The following PRKCB variants were observed in gnomAD, a reference collection of about 807,000 sequenced individuals.
PRKCB encodes protein kinase C beta type.
A neutral mutation model predicts 81.5 loss-of-function variants in PRKCB; 13 were observed. That is an observed-to-expected ratio of 0.16 (90% confidence interval 0.10 to 0.25). The LOEUF (loss-of-function observed/expected upper bound fraction) is 0.25. Ranked by LOEUF, PRKCB falls within the 10% of genes least tolerant of loss-of-function variation. The pLI is 1.00. For missense variants in PRKCB, 509 were observed against 875.7 expected (o/e 0.58, Z 5.29); for synonymous variants, 335 against 321.4 (o/e 1.04, Z -0.45).
At chr16:24,048,114 G>T (rs576203585) in intron 5 of PRKCB, among the ~76,000 whole-genome samples, 1 of 152,232 alleles carries the variant, frequency 6.6e-6, no homozygotes, top group Non-Finnish European at 1.5e-5. Context: ...GGTTCCATCT[G>T]CTTTACCACT....
chr16:24,176,174 G>A (rs983054709), intron 12 of PRKCB, among the ~76,000 whole-genome samples: 3 of 152,030 alleles, frequency 2.0e-5, no homozygotes, highest in African/African-American at 7.2e-5. Flanking sequence ...ATCTTATTCT[G>A]AGGGCACAAA....
At chr16:24,130,937 T>A (rs574636438) in intron 9 of PRKCB, among the ~76,000 whole-genome samples, 1 of 152,310 alleles carries the variant, frequency 6.6e-6, no homozygotes, top group East Asian at 1.9e-4. Flanking sequence ...GGCTGCAATT[T>A]TTCACGGTGA....
intron 9 of PRKCB, among the ~76,000 whole-genome samples, chr16:24,138,027 A>C (rs1966871048): frequency 6.6e-6 from 1 of 152,198 alleles, no homozygotes; most frequent in South Asian, 2.1e-4. Context: ...GGGTCTTGTG[A>C]AGTGGGTGCT....
intron 16 of PRKCB, among the ~76,000 whole-genome samples, chr16:24,204,010 G>A (rs939082118): frequency 2.7e-4 from 41 of 151,936 alleles, no homozygotes; most frequent in African/African-American, 8.2e-4. Flanking sequence ...TTGTAATTGG[G>A]ATGGGAATAT....
intron 2 of PRKCB, among the ~76,000 whole-genome samples, chr16:23,840,734 G>C (rs1962249624): frequency 6.6e-6 from 1 of 152,174 alleles, no homozygotes; most frequent in African/African-American, 2.4e-5. Flanking sequence ...TGGAAATTGG[G>C]GACACTGCTA....
At chr16:23,968,166 G>T (rs1276666688) in intron 2 of PRKCB, among the ~76,000 whole-genome samples, 1 of 152,122 alleles carries the variant, frequency 6.6e-6, no homozygotes, top group Non-Finnish European at 1.5e-5. Flanking sequence ...TGGAATCTAG[G>T]TTCAAACCTA....
At chr16:24,169,102 G>A (rs1389035280) in intron 10 of PRKCB, among the ~76,000 whole-genome samples, 2 of 151,968 alleles carry the variant, frequency 1.3e-5, no homozygotes, top group Non-Finnish European at 2.9e-5. Flanking sequence ...TATAAATGAA[G>A]ATATCAAGGC....
chr16:24,175,636 G>A (rs1347540984), intron 12 of PRKCB, among the ~76,000 whole-genome samples: 1 of 151,782 alleles, frequency 6.6e-6, no homozygotes, highest in African/African-American at 2.4e-5. Context: ...GGTGACTTGA[G>A]AGTCCTGGGC....
chr16:24,136,251 A>G (rs2141939695), intron 9 of PRKCB, among the ~76,000 whole-genome samples: 1 of 152,264 alleles, frequency 6.6e-6, no homozygotes. Flanking sequence ...GTTACAAGAC[A>G]AGATAAGGTT....
chr16:23,986,132 T>C (rs1173135573), intron 2 of PRKCB, among the ~76,000 whole-genome samples: 1 of 152,150 alleles, frequency 6.6e-6, no homozygotes, highest in Non-Finnish European at 1.5e-5. Context: ...CAAAGAGTAA[T>C]ATTTATATGA....
intron 5 of PRKCB, among the ~76,000 whole-genome samples, chr16:24,075,912 T>C (rs1204563839): frequency 6.6e-6 from 1 of 152,232 alleles, no homozygotes; most frequent in Non-Finnish European, 1.5e-5. Flanking sequence ...TCAGCAGGTC[T>C]GAGCAGGGCC....
At position 23,999,813 on chromosome 16, in the gene PRKCB, G is replaced by A. The variant is rs146340562; in HGVS notation, c.288+11223G>A. On this transcript the variant is annotated intron_variant, in intron 3 of 16. Coordinates refer to ENST00000643927, the MANE Select transcript of PRKCB (RefSeq NM_002738.7). ...GTTGGGACTAGGGTGAGTCAAGTGA[G>A]GTACTTTCCCTGGGCACAGTTTAAG... Among the ~76,000 whole-genome samples, 680 of 152,308 alleles carry A rather than the reference G, an allele frequency of 4.5e-3. 9 individuals carry two copies. Among genetic ancestry groups the A allele is most frequent in the African/African-American group, 0.016 (659 of 41,548 alleles).
At chr16:23,876,752 T>G (rs1037709074) in intron 2 of PRKCB, among the ~76,000 whole-genome samples, 2 of 152,208 alleles carry the variant, frequency 1.3e-5, no homozygotes, top group Non-Finnish European at 1.5e-5. Flanking sequence ...ATCTGAGTGC[T>G]TCACTGATGT....
At chr16:23,952,678 T>C (rs1303132370) in intron 2 of PRKCB, among the ~76,000 whole-genome samples, 1 of 152,202 alleles carries the variant, frequency 6.6e-6, no homozygotes, top group Non-Finnish European at 1.5e-5. Flanking sequence ...ACTTCTGTTT[T>C]GTTCTTGGAG....
In PRKCB at chr16:23,860,656, T is replaced by C. The variant is rs911980114; in HGVS notation, c.205+23250T>C. Among the ~76,000 whole-genome samples the C allele has an allele frequency of 1.3e-5, 2 of 151,586 alleles. 1 individual carries two copies. Among genetic ancestry groups the C allele is most frequent in the South Asian group, 4.2e-4 (2 of 4,808 alleles). Reference sequence around the variant, plus strand: ...ATCCCAGCACTTTGAGAGGCCAAGGTGGGTGGATCACTTGAGGTCAGGAAT... The same window carrying C: ...ATCCCAGCACTTTGAGAGGCCAAGGCGGGTGGATCACTTGAGGTCAGGAAT... On this transcript the variant is annotated intron_variant, in intron 2 of 16. Transcript: ENST00000643927.
In PRKCB at chr16:23,867,028, CCT is replaced by C. The variant is rs1962810772; in HGVS notation, c.205+29623_205+29624del. Among the ~76,000 whole-genome samples, 171 of 87,914 alleles carry C rather than the reference CCT, an allele frequency of 1.9e-3. 2 individuals are homozygous for C. The highest frequency in any genetic ancestry group is 7.5e-3 in the African/African-American group (156 of 20,692). The allele number at this position is 87,914 out of a possible 152,430, so 57.7% of individuals were successfully genotyped here. A position where few individuals can be genotyped will look rare whatever the true frequency, so the allele number is the denominator to read the frequency against. On this transcript the variant is annotated intron_variant, in intron 2 of 16. Transcript: ENST00000643927. ...TCCTTCCTTCCTTCCTTCCTTCCTT[CCT>C]TCCTTCCTTCCTTCCTTCCTTCTCT...
chr16:24,164,695 A>G (rs980487959), intron 10 of PRKCB, among the ~76,000 whole-genome samples: 6 of 152,232 alleles, frequency 3.9e-5, no homozygotes, highest in African/African-American at 1.4e-4. Context: ...GCGAGATGAG[A>G]GTTGAAATTC....
chr16:24,157,327 A>G (rs1302386995), intron 10 of PRKCB, among the ~76,000 whole-genome samples: 2 of 152,092 alleles, frequency 1.3e-5, no homozygotes, highest in Non-Finnish European at 2.9e-5. Context: ...TAATCCCCAT[A>G]TGTCGTGGGA....
intron 3 of PRKCB, among the ~76,000 whole-genome samples, chr16:23,993,789 C>T (rs1964920572): frequency 2.0e-5 from 3 of 152,272 alleles, no homozygotes; most frequent in Middle Eastern, 6.8e-3. Context: ...CAACAACAAT[C>T]GGAATAGCCT....
Sources: allele counts gnomAD v4.1 joint callset (sites outside exome capture counted in the v4.1 genomes callset), GRCh38; gene constraint gnomAD v4.1.1; transcripts MANE v1.5; gene names NCBI Gene and HGNC (gene_info 2026-07-23, HGNC 2026-07-21).